SYNE3: variants seen among roughly 807,000 people sequenced by gnomAD.
The protein encoded by SYNE3 is nesprin-3.
In SYNE3, 100 loss-of-function variants were observed where a neutral mutation model predicts 111.2. The observed-to-expected ratio is 0.90, with a 90% CI of 0.77 to 1.06. The LOEUF (loss-of-function observed/expected upper bound fraction) is 1.06. Ranked by LOEUF, SYNE3 falls within the 50% of genes least tolerant of loss-of-function variation. SYNE3 has a pLI of 0.00. For synonymous variants in SYNE3, 547 were observed against 533.9 expected (o/e 1.02, Z -0.34); for missense variants, 1,160 against 1,240.3 (o/e 0.94, Z 0.97).
chr14:95,464,611 G>A (rs1350766964), intron 4 of SYNE3, among the ~76,000 whole-genome samples: 9 of 152,290 alleles, frequency 5.9e-5, no homozygotes, highest in Non-Finnish European at 5.9e-5. Flanking sequence ...TAGAATATCC[G>A]CCTGATCTGG....
chr14:95,493,887 A>AT lies in SYNE3; in HGVS notation c.-14-18053dup, dbSNP rs139640419. ...CAATTCAATAGCATTTGTTGAGATAATTTTTTTTTAATTTTATACTTGAAA... is the reference window on the plus strand; with the variant it reads ...CAATTCAATAGCATTTGTTGAGATAATTTTTTTTTTAATTTTATACTTGAAA... On this transcript the variant is annotated intron_variant, in intron 1 of 17. Transcript: ENST00000682763. Among the ~76,000 whole-genome samples, 983 of 152,058 alleles carry AT rather than the reference A, an allele frequency of 6.5e-3. 15 individuals carry two copies. Among genetic ancestry groups the AT allele is most frequent in the African/African-American group, 0.022 (920 of 41,476 alleles).
intron 10 of SYNE3, 38 bp from the exon 11 acceptor site, chr14:95,443,327 ACCTCTCCCTC>A: frequency 6.2e-7 from 1 of 1,611,756 alleles, no homozygotes; most frequent in Non-Finnish European, 8.5e-7. Context: ...TAATCTTCCC[ACCTCTCCCTC>A]CCTTGGGGTG....
At chr14:95,475,531 T>C (rs1888827366) in intron 2 of SYNE3, 147 bp downstream of exon 2, 9 of 1,023,052 alleles carry the variant, frequency 8.8e-6, no homozygotes, top group Middle Eastern at 7.1e-4. Flanking sequence ...TTAAACAAAA[T>C]CTCCAGGAGA....
rs963768612 is a variant in SYNE3, at chr14:95,485,954, G to A, written c.-14-10119C>T. Among the ~76,000 whole-genome samples the A allele has an allele frequency of 1.3e-5, 2 of 152,090 alleles. No individual in the cohort carries two copies. Among genetic ancestry groups the A allele is most frequent in the African/African-American group, 4.8e-5 (2 of 41,384 alleles). Reference sequence around the variant, plus strand: ...GACAAGGGTCAGGGGAGGGACAGAGGTGCAGACAGCAGCCTGCACTCAAGG... The same window carrying A: ...GACAAGGGTCAGGGGAGGGACAGAGATGCAGACAGCAGCCTGCACTCAAGG... On this transcript the variant is annotated intron_variant, in intron 1 of 17. Transcript: ENST00000682763. The surrounding 1 kb of genome is among the most constrained non-coding windows in gnomAD (Gnocchi z 4.3).
intron 10 of SYNE3, chr14:95,443,708 A>G: frequency 6.4e-6 from 1 of 155,108 alleles, no homozygotes; most frequent in Non-Finnish European, 1.4e-5. Context: ...GCACAGTGGC[A>G]CAATGTGGGC....
rs1382515424 is a variant in SYNE3, at chr14:95,415,317, G to T, written c.*2509C>A. The T allele has an allele frequency of 9.4e-6, 1 of 106,226 alleles. No individual in the cohort carries two copies. Among genetic ancestry groups the T allele is most frequent in the Non-Finnish European group, 1.7e-5 (1 of 57,196 alleles). The allele number at this position is 106,226 out of a possible 1,614,324, so 6.6% of individuals were successfully genotyped here. On this transcript the variant is annotated 3_prime_UTR_variant, in exon 18 of 18. Coordinates refer to ENST00000682763, the MANE Select transcript of SYNE3 (RefSeq NM_152592.6). ...ACCCTGCCACTGCTCTGACTTCCAG[G>T]ACTGGACATCTGGGCTTGGCTGCCT...
rs1045311386 is a variant in SYNE3 at position 95,415,641 on chromosome 14, A to C, written c.*2185T>G. ...GTCTACAGGGCTTGTTTTCCAAAGA[A>C]AAGTGTTGTTTGGAGGAGCATAATT... On this transcript the variant is annotated 3_prime_UTR_variant, in exon 18 of 18. Coordinates refer to ENST00000682763, the MANE Select transcript of SYNE3 (RefSeq NM_152592.6). The C allele has an allele frequency of 6.6e-6, 1 of 151,994 alleles. No individual in the cohort carries two copies. The highest frequency in any genetic ancestry group is 1.5e-5 in the Non-Finnish European group (1 of 68,008). The allele number at this position is 151,994 out of a possible 1,614,324, so 9.4% of individuals were successfully genotyped here. A position where few individuals can be genotyped will look rare whatever the true frequency, so the allele number is the denominator to read the frequency against.
intron 2 of SYNE3, among the ~76,000 whole-genome samples, chr14:95,468,940 C>T (rs1187475810): frequency 6.6e-6 from 1 of 152,170 alleles, no homozygotes; most frequent in Non-Finnish European, 1.5e-5. Context: ...CCCAGGGCCA[C>T]TCCTTACTGC....
intron 1 of SYNE3, among the ~76,000 whole-genome samples, chr14:95,512,688 T>TA (rs11312397): frequency 2.9e-4 from 41 of 141,106 alleles, no homozygotes; most frequent in East Asian, 1.4e-3. Flanking sequence ...CCGTCTCTAC[T>TA]AAAAAAAAAA....
At chr14:95,460,531 T>C (rs898409050) in intron 4 of SYNE3, among the ~76,000 whole-genome samples, 1 of 152,110 alleles carries the variant, frequency 6.6e-6, no homozygotes, top group Non-Finnish European at 1.5e-5. Context: ...AAAAGCCTAT[T>C]TTAAAGTTAT....
rs1347235211 is a variant in SYNE3 at position 95,465,923 on chromosome 14, AC to A, written c.627+7del. ...GTGAGGATGTAGCCCACTCAGCCTCACCCTCACCTGGGCCTTGGCCTTCACT... is the reference window on the plus strand; with the variant it reads ...GTGAGGATGTAGCCCACTCAGCCTCACCTCACCTGGGCCTTGGCCTTCACT... On this transcript the variant is annotated splice_region_variant and intron_variant, in intron 4 of 17. Transcript: ENST00000682763. The A allele has an allele frequency of 6.4e-7, 1 of 1,563,510 alleles. No homozygotes were observed. The highest frequency in any genetic ancestry group is 1.3e-5 in the African/African-American group (1 of 74,262).
intron 17 of SYNE3, among the ~76,000 whole-genome samples, chr14:95,422,121 C>T (rs1336233914): frequency 6.6e-6 from 1 of 152,126 alleles, no homozygotes; most frequent in African/African-American, 2.4e-5. Flanking sequence ...TATAAGGCTC[C>T]TTCCCTCCCT....
intron 15 of SYNE3, among the ~76,000 whole-genome samples, chr14:95,433,682 G>C (rs939378685): frequency 1.3e-5 from 2 of 152,242 alleles, no homozygotes; most frequent in African/African-American, 4.8e-5. Context: ...CCAGGACCAA[G>C]TCCTCCAGAG....
chr14:95,454,367 C>T (rs1220801932), intron 6 of SYNE3, among the ~76,000 whole-genome samples: 1 of 152,252 alleles, frequency 6.6e-6, no homozygotes, highest in Non-Finnish European at 1.5e-5. Context: ...GGCAAGTCTC[C>T]TAGCCTCTCA....
intron 8 of SYNE3, among the ~76,000 whole-genome samples, chr14:95,446,861 C>T (rs114570512): frequency 0.067 from 10,227 of 152,258 alleles, 471 homozygotes; most frequent in Middle Eastern, 0.12. Flanking sequence ...GCCCCCAAAG[C>T]CCTGCAACTC....
intron 1 of SYNE3, among the ~76,000 whole-genome samples, chr14:95,510,779 C>G (rs1310358681): frequency 6.6e-6 from 1 of 151,916 alleles, no homozygotes; most frequent in Non-Finnish European, 1.5e-5. Flanking sequence ...CAGAGTGAGA[C>G]TCCGTCTCAA....
chr14:95,481,198 C>T (rs1889230389), intron 1 of SYNE3, among the ~76,000 whole-genome samples: 1 of 152,224 alleles, frequency 6.6e-6, no homozygotes, highest in African/African-American at 2.4e-5. Context: ...ACATTTAAAC[C>T]TTGTTCTATT....
chr14:95,502,316 G>C (rs1284048310), intron 1 of SYNE3, among the ~76,000 whole-genome samples: 2 of 140,898 alleles, frequency 1.4e-5, no homozygotes, highest in East Asian at 4.2e-4. Context: ...GGTTCCCAGA[G>C]CCTGTGTCCT....
intron 2 of SYNE3, among the ~76,000 whole-genome samples, chr14:95,473,695 G>GCTGGAGCTAAGGCCGT (rs1888681928): frequency 4.1e-5 from 2 of 48,204 alleles, no homozygotes; most frequent in South Asian, 9.1e-4. Flanking sequence ...GCTAAGGCTG[G>GCTGGAGCTAAGGCCGT]TGTGAGCTTG....
Sources: gnomAD v4.1 joint callset for allele counts (sites outside exome capture counted in the v4.1 genomes callset) on GRCh38, gnomAD v4.1.1 for gene constraint, Gnocchi (gnomAD v3.1) non-coding constraint, MANE v1.5 for transcripts, NCBI Gene and HGNC (gene_info 2026-07-23, HGNC 2026-07-21) for gene names.